ABCC2: variants seen among roughly 807,000 people sequenced by gnomAD.
The protein encoded by ABCC2 is ATP binding cassette subfamily C member 2.
ABCC2 carries 157 observed loss-of-function variants against 173.4 expected under a neutral mutation model. The observed-to-expected ratio is 0.91, with a 90% CI of 0.80 to 1.03. The LOEUF is 1.03. Among genes scored for constraint, ABCC2 ranks in the 50% least tolerant of loss-of-function variants. The pLI is 0.00. For synonymous variants in ABCC2, 657 were observed against 693.5 expected (o/e 0.95, Z 0.83); for missense variants, 1,822 against 1,852.3 (o/e 0.98, Z 0.30).
At chr10:99,838,158 C>A (rs2038858630) in intron 25 of ABCC2, among the ~76,000 whole-genome samples, 1 of 81,124 alleles carries the variant, frequency 1.2e-5, no homozygotes. Context: ...GGGGGCTGAC[C>A]CCCCAACCTC....
chr10:99,807,355 G>A (rs943063948), intron 11 of ABCC2, 29 bp from the exon 12 acceptor site: 1 of 1,613,992 alleles, frequency 6.2e-7, no homozygotes. Context: ...GGGCAATCAT[G>A]TGAGCTGTAT....
chr10:99,831,593 G>A lies in ABCC2; in HGVS notation c.2884-18G>A, dbSNP rs749646562. 1.9e-6 allele frequency: 3 copies of A among 1,608,684 alleles called. No individual in the cohort carries two copies. The highest frequency in any genetic ancestry group is 1.7e-6 in the Non-Finnish European group (2 of 1,175,322). On this transcript the variant is annotated intron_variant, in intron 21 of 31. Coordinates refer to ENST00000647814, the MANE Select transcript of ABCC2 (RefSeq NM_000392.5). Reference sequence around the variant, plus strand: ...GCCATTAGGGAGTTCTACTAATATTGAGGTGGGGACTTTGCAGGTGAAGTT... The same window carrying A: ...GCCATTAGGGAGTTCTACTAATATTAAGGTGGGGACTTTGCAGGTGAAGTT...
At chr10:99,826,522 C>T (rs1201018621) in intron 19 of ABCC2, among the ~76,000 whole-genome samples, 1 of 151,516 alleles carries the variant, frequency 6.6e-6, no homozygotes, top group Non-Finnish European at 1.5e-5. Context: ...CTTCCTGGGT[C>T]TTGGATTTTT....
chr10:99,814,208 C>T (rs537298655), intron 16 of ABCC2, among the ~76,000 whole-genome samples: 1,999 of 72,816 alleles, frequency 0.027, 554 homozygotes, highest in African/African-American at 0.099. Flanking sequence ...TATATATACA[C>T]ACATGTGTAT....
intron 28 of ABCC2, 143 bp from the exon 29 acceptor site, chr10:99,845,481 C>A: frequency 1.8e-6 from 2 of 1,115,684 alleles, no homozygotes; most frequent in Non-Finnish European, 2.6e-6. Flanking sequence ...TTTTCCTCAC[C>A]AAAACCAAAA....
intron 10 of ABCC2, 31 bp from the exon 11 acceptor site, chr10:99,805,351 T>G: frequency 6.3e-7 from 1 of 1,596,476 alleles, no homozygotes; most frequent in Non-Finnish European, 8.6e-7. Context: ...TGGAAGCGTA[T>G]ATTGTTTTTC....
intron 28 of ABCC2, 52 bp from the exon 29 acceptor site, chr10:99,845,572 T>A: frequency 6.2e-7 from 1 of 1,608,400 alleles, no homozygotes; most frequent in Non-Finnish European, 8.5e-7. Context: ...CTAAATAACT[T>A]TTCCCCAAGA....
chr10:99,802,469 T>C (rs2038029468), intron 9 of ABCC2, among the ~76,000 whole-genome samples: 2 of 149,036 alleles, frequency 1.3e-5, no homozygotes, highest in Non-Finnish European at 3.0e-5. Flanking sequence ...AGTGATTACC[T>C]TGAAGGGCAA....
At position 99,818,784 on chromosome 10, in the gene ABCC2, C is replaced by A; in HGVS notation, c.2272-6C>A. 6.2e-7 allele frequency: 1 copy of A among 1,613,952 alleles called. No homozygotes were observed. The highest frequency in any genetic ancestry group is 1.7e-5 in the Admixed American group (1 of 60,006). ...AGTGCTTAATATGAATTATTTTCTT[C>A]TTCAGGGTATAAATCTTAGTGGGGG... On this transcript the variant is annotated splice_polypyrimidine_tract_variant and splice_region_variant and intron_variant, in intron 17 of 31. Coordinates refer to ENST00000647814, the MANE Select transcript of ABCC2 (RefSeq NM_000392.5).
rs1252499407 is a variant in ABCC2, at chr10:99,797,280, G to C, written c.816G>C (p.Arg272Ser). The change falls in exon 7 of 32, where the codon AGG becomes AGC. Residue 272 changes from arginine (R) to serine (S), a missense_variant. Transcript: ENST00000647814. ...EKSSQQNSGA[R>S]LPGLNKNQSQ... is the part of the protein sequence containing the mutation. ...GCTCCCAGCAGAACTCTGGAGCCAG[G>C]CTGCCTGGCTTGAACAAGAATCAGA... is the stretch of plus-strand genomic sequence containing the variant. The C allele has an allele frequency of 1.2e-6, 2 of 1,613,928 alleles. No homozygotes were observed. Among genetic ancestry groups the C allele is most frequent in the Middle Eastern group, 1.7e-4 (1 of 6,060 alleles).
At position 99,845,797 on chromosome 10, in the gene ABCC2, T is replaced by A. The variant is rs1428035774; in HGVS notation, c.4146+15T>A. The A allele has an allele frequency of 6.2e-7, 1 of 1,605,532 alleles. No individual in the cohort carries two copies. Among genetic ancestry groups the A allele is most frequent in the Non-Finnish European group, 8.5e-7 (1 of 1,176,646 alleles). ...TCATCCCCCAGGTGAGCTCTAGAAC[T>A]TACTCGGGCACATGCCGTGGGGAGC... On this transcript the variant is annotated intron_variant, in intron 29 of 31. Coordinates refer to ENST00000647814, the MANE Select transcript of ABCC2 (RefSeq NM_000392.5).
chr10:99,810,319 G>A, intron 14 of ABCC2, 101 bp downstream of exon 14: 1 of 901,258 alleles, frequency 1.1e-6, no homozygotes, highest in Non-Finnish European at 1.8e-6. Context: ...GAGAGAGTGT[G>A]GAGATTTGTC....
At position 99,792,360 on chromosome 10, in the gene ABCC2, G is replaced by A. The variant is rs533334893; in HGVS notation, c.333+1G>A. 5.3e-5 allele frequency: 85 copies of A among 1,613,914 alleles called. No homozygotes were observed. In the South Asian group the frequency reaches 9.1e-4, roughly 17 times the overall value. On this transcript the variant is annotated splice_donor_variant, in intron 3 of 31. Coordinates refer to ENST00000647814, the MANE Select transcript of ABCC2 (RefSeq NM_000392.5). LOFTEE classifies it high-confidence loss of function. ...TCCAAGCCTCTACCTAGGCACATGGGTAAGACCTATACCACTTCTGCCCTG... is the reference window on the plus strand; with the variant it reads ...TCCAAGCCTCTACCTAGGCACATGGATAAGACCTATACCACTTCTGCCCTG...
In ABCC2 at chr10:99,808,288, A is replaced by T; in HGVS notation, c.1815+59A>T. ...TCTGGTTAAAAGCCTTGGAGTCCAG[A>T]ATGACTGGCTATCACATCCCATGTC... On this transcript the variant is annotated intron_variant, in intron 13 of 31. Coordinates refer to ENST00000647814, the MANE Select transcript of ABCC2 (RefSeq NM_000392.5). 3 of 1,596,272 alleles carry T rather than the reference A, an allele frequency of 1.9e-6. No individual in the cohort carries two copies. The South Asian group carries it at 3.3e-5, about 18-fold the overall frequency.
intron 19 of ABCC2, among the ~76,000 whole-genome samples, chr10:99,821,496 TC>T (rs1475963126): frequency 6.6e-6 from 1 of 152,062 alleles, no homozygotes; most frequent in Admixed American, 6.5e-5. Context: ...TAGGCAGAGG[TC>T]CCTGCGGCCT....
intron 6 of ABCC2, chr10:99,794,762 C>A (rs1053149833): frequency 6.1e-5 from 22 of 358,096 alleles, no homozygotes; most frequent in African/African-American, 4.2e-4. Flanking sequence ...CCAAGCTGGT[C>A]TTGAACTCAA....
At chr10:99,801,709 T>G (rs975237349) in intron 9 of ABCC2, among the ~76,000 whole-genome samples, 1 of 152,206 alleles carries the variant, frequency 6.6e-6, no homozygotes, top group African/African-American at 2.4e-5. Context: ...TCCAATCTTT[T>G]TATAAGTTGG....
rs201378280 is a variant in ABCC2, at chr10:99,794,668, G to A, written c.632+200G>A. 1.1e-4 allele frequency: 57 copies of A among 533,420 alleles called. No individual in the cohort carries two copies. The East Asian group carries it at 1.7e-3, about 16-fold the overall frequency. 33.0% of individuals were successfully genotyped at this position (533,420 alleles called of 1,614,324 possible). On this transcript the variant is annotated intron_variant, in intron 6 of 31. Transcript: ENST00000647814. ...CAAGTGATTATCCTGCCTCAGCCTC[G>A]CAAGTAGCTGGGATTACAGGTGTGA... is the stretch of plus-strand genomic sequence containing the variant.
At chr10:99,799,599 T>C (rs944249922) in intron 8 of ABCC2, among the ~76,000 whole-genome samples, 3 of 152,276 alleles carry the variant, frequency 2.0e-5, no homozygotes, top group South Asian at 2.1e-4. Context: ...TGTCTCCTCA[T>C]AGGGGGCCGG....
Sources: gnomAD v4.1 joint callset for allele counts (sites outside exome capture counted in the v4.1 genomes callset) on GRCh38, gnomAD v4.1.1 for gene constraint, MANE v1.5 for transcripts, NCBI Gene and HGNC (gene_info 2026-07-23, HGNC 2026-07-21) for gene names.